RHEX: variants seen among roughly 807,000 people sequenced by gnomAD.
The protein encoded by RHEX is regulator of hemoglobinization and erythroid cell expansion protein.
RHEX carries 18 observed loss-of-function variants against 20.1 expected under a neutral mutation model. The ratio of observed to expected loss-of-function variants is 0.90; its 90% CI spans 0.62 to 1.33. The LOEUF (loss-of-function observed/expected upper bound fraction) is 1.33. RHEX is among the 40% of genes most tolerant of loss of function. RHEX has a pLI of 0.00. For synonymous variants in RHEX, 87 were observed against 77.1 expected (o/e 1.13, Z -0.67); for missense variants, 192 against 214.3 (o/e 0.90, Z 0.65).
Position 206,102,218 on chromosome 1 carries a change from G to A in RHEX, c.*266G>A. The A allele has an allele frequency of 2.0e-6, 1 of 491,310 alleles. No homozygotes were observed. The highest frequency in any genetic ancestry group is 2.4e-5 in the South Asian group (1 of 42,204). The allele number at this position is 491,310 out of a possible 1,614,324, so 30.4% of individuals were successfully genotyped here. A position where few individuals can be genotyped will look rare whatever the true frequency, so the allele number is the denominator to read the frequency against. On this transcript the variant is annotated 3_prime_UTR_variant, in exon 6 of 6. Coordinates refer to ENST00000331555, the MANE Select transcript of RHEX (RefSeq NM_001007544.4). ...AACAGGCCAATGCCCCGGCAAGAAA[G>A]GTTGAGATCAGATGTTAGGAAGAAC...
chr1:206,093,464 T>C (rs1553287285), intron 1 of RHEX, among the ~76,000 whole-genome samples: 1 of 152,014 alleles, frequency 6.6e-6, no homozygotes, highest in Non-Finnish European at 1.5e-5. Context: ...AGAGACGGGG[T>C]TTCACCATCT....
At chr1:206,092,651 A>T (rs1255217565) in intron 1 of RHEX, among the ~76,000 whole-genome samples, 11 of 152,312 alleles carry the variant, frequency 7.2e-5, no homozygotes, top group African/African-American at 2.4e-4. Flanking sequence ...ATCAAAAAAA[A>T]TTTTGTAGTC....
intron 1 of RHEX, chr1:206,061,620 G>A (rs1662312291): frequency 6.6e-6 from 1 of 152,274 alleles, no homozygotes; most frequent in Non-Finnish European, 1.5e-5. Context: ...GAAGTCCCTG[G>A]TGCCCAGCCA....
chr1:206,060,060 A>G (rs1662280185), intron 1 of RHEX, among the ~76,000 whole-genome samples: 1 of 152,140 alleles, frequency 6.6e-6, no homozygotes, highest in Admixed American at 6.5e-5. Flanking sequence ...AAACAATCAC[A>G]TGGAGGCAGC....
chr1:206,057,572 C>T (rs1043999263), intron 1 of RHEX, among the ~76,000 whole-genome samples: 12 of 152,362 alleles, frequency 7.9e-5, no homozygotes, highest in African/African-American at 1.4e-4. Context: ...TGGGACTGGA[C>T]GGCCCCCACT....
intron 1 of RHEX, among the ~76,000 whole-genome samples, chr1:206,064,587 C>A (rs572918727): frequency 1.5e-5 from 2 of 131,648 alleles, no homozygotes; most frequent in East Asian, 2.4e-4. Flanking sequence ...CGCCTCTGCC[C>A]GGCCGCCCCT....
chr1:206,083,785 C>G (rs571293563), intron 1 of RHEX: 2 of 276,934 alleles, frequency 7.2e-6, no homozygotes, highest in South Asian at 2.8e-4. Flanking sequence ...ATTCCACTTG[C>G]AATCAGCTTA....
chr1:206,101,732 G>T lies in RHEX; in HGVS notation c.319-20G>T. 2 of 1,594,482 alleles carry T rather than the reference G, an allele frequency of 1.3e-6. No homozygotes were observed. The highest frequency in any genetic ancestry group is 1.7e-6 in the Non-Finnish European group (2 of 1,165,754). ...ACGTGGTAGGGATCTTGACCCACAT[G>T]TCTCTGCTTTTCTCCTAAGGCCACA... On this transcript the variant is annotated intron_variant, in intron 5 of 5. Transcript: ENST00000331555.
chr1:206,099,660 A>G lies in RHEX; in HGVS notation c.118A>G (p.Lys40Glu). The G allele has an allele frequency of 6.2e-7, 1 of 1,613,892 alleles. No homozygotes were observed. Among genetic ancestry groups the G allele is most frequent in the Non-Finnish European group, 8.5e-7 (1 of 1,179,944 alleles). The change falls in exon 4 of 6, where the codon AAG (lysine) becomes GAG (glutamate). Residue 40 changes from lysine (K) to glutamate (E), a missense_variant. By Grantham distance (56) the Lys-to-Glu change is moderately conservative. Transcript: ENST00000331555. ...NYLLSRHMAH[K>E]SEQILKAASL... is the part of the protein sequence containing the mutation. ...CCCTGCCCTCTCCCTTCCAGCCCAC[A>G]AGAGTGAACAGATACTGAAAGCGGC...
chr1:206,061,408 A>G (rs1419963726), intron 1 of RHEX: 4 of 152,372 alleles, frequency 2.6e-5, no homozygotes, highest in African/African-American at 9.6e-5. Context: ...GTAAGGAACT[A>G]GTCCAGTCGC....
chr1:206,072,581 G>GA (rs1217434126), intron 1 of RHEX, among the ~76,000 whole-genome samples: 10 of 151,150 alleles, frequency 6.6e-5, no homozygotes, highest in Admixed American at 2.0e-4. Flanking sequence ...ATCTCAAAAA[G>GA]AAAAAAAAGA....
intron 1 of RHEX, among the ~76,000 whole-genome samples, chr1:206,096,784 T>G (rs371199699): frequency 0.016 from 2,333 of 149,352 alleles, 61 homozygotes; most frequent in African/African-American, 0.054. Context: ...TTTTTTGGTT[T>G]TTTTTTTTGA....
chr1:206,063,680 T>C (rs367865869), intron 1 of RHEX, among the ~76,000 whole-genome samples: 2 of 152,266 alleles, frequency 1.3e-5, no homozygotes, highest in East Asian at 1.9e-4. Flanking sequence ...AGACGGAGTC[T>C]GGTTCACTCA....
chr1:206,091,933 G>A (rs1662958745), intron 1 of RHEX, among the ~76,000 whole-genome samples: 1 of 152,196 alleles, frequency 6.6e-6, no homozygotes, highest in East Asian at 1.9e-4. Flanking sequence ...TAATAATTAT[G>A]TGTTCCTTAA....
chr1:206,062,812 C>T (rs1662331886), intron 1 of RHEX, among the ~76,000 whole-genome samples: 1 of 152,170 alleles, frequency 6.6e-6, no homozygotes, highest in Non-Finnish European at 1.5e-5. Flanking sequence ...ATGACTGGAA[C>T]TTTACAATTG....
intron 1 of RHEX, among the ~76,000 whole-genome samples, chr1:206,053,495 G>T (rs1466102695): frequency 6.6e-6 from 1 of 152,158 alleles, no homozygotes; most frequent in Non-Finnish European, 1.5e-5. Flanking sequence ...CTTTTTACCT[G>T]TTTTTTTGTT....
intron 1 of RHEX, among the ~76,000 whole-genome samples, chr1:206,094,395 G>C (rs1553287437): frequency 6.6e-6 from 1 of 152,114 alleles, no homozygotes; most frequent in East Asian, 1.9e-4. Context: ...TTCTAAAATA[G>C]ACCAATCCAA....
chr1:206,057,717 A>C (rs890678668), intron 1 of RHEX, among the ~76,000 whole-genome samples: 7 of 152,264 alleles, frequency 4.6e-5, no homozygotes, highest in Non-Finnish European at 7.3e-5. Flanking sequence ...TGGGCTTCCC[A>C]GTCTGTGCTT....
rs563427212 is a variant in RHEX, at chr1:206,098,158, A to C, written c.89A>C (p.Asn30Thr). ...CAGGCCTGCTTCCTCACCGCCATCAACTACCTGCTCAGCAGGCACATGGGT... is the reference window on the plus strand; with the variant it reads ...CAGGCCTGCTTCCTCACCGCCATCACCTACCTGCTCAGCAGGCACATGGGT... Reference protein sequence around the residue: ...FLQACFLTAINYLLSRHMAHK... With the variant: ...FLQACFLTAITYLLSRHMAHK... The change falls in exon 3 of 6, where the codon AAC (asparagine) becomes ACC (threonine). Residue 30 changes from asparagine (N) to threonine (T), a missense_variant. Transcript: ENST00000331555. 2 of 1,613,508 alleles carry C rather than the reference A, an allele frequency of 1.2e-6. No homozygotes were observed. Among genetic ancestry groups the C allele is most frequent in the Non-Finnish European group, 1.7e-6 (2 of 1,179,608 alleles).
Sources: allele counts gnomAD v4.1 joint callset (sites outside exome capture counted in the v4.1 genomes callset), GRCh38; gene constraint gnomAD v4.1.1; transcripts MANE v1.5; gene names NCBI Gene and HGNC (gene_info 2026-07-23, HGNC 2026-07-21).